C13orf42: variants seen among roughly 807,000 people sequenced by gnomAD.
The protein encoded by C13orf42 is uncharacterized protein C13orf42.
At chr13:51,084,415 A>G (rs1953099959) in intron 3 of C13orf42, 90 bp from the exon 4 acceptor site, 1 of 397,302 alleles carries the variant, frequency 2.5e-6, no homozygotes, top group Non-Finnish European at 4.4e-6. Flanking sequence ...ATTCTCATGG[A>G]GACCCTCAGA....
At chr13:51,153,460 G>C (rs1953797026) in intron 1 of C13orf42, among the ~76,000 whole-genome samples, 1 of 151,514 alleles carries the variant, frequency 6.6e-6, no homozygotes, top group South Asian at 2.1e-4. Flanking sequence ...GAGAGAGAGA[G>C]ACAGAGATAG....
At chr13:51,134,097 T>G (rs1593546729) in intron 1 of C13orf42, among the ~76,000 whole-genome samples, 1 of 152,188 alleles carries the variant, frequency 6.6e-6, no homozygotes, top group African/African-American at 2.4e-5. Context: ...TTATGGTTTC[T>G]TTGCAGAATT....
chr13:51,167,975 G>A (rs1953914880), intron 1 of C13orf42, among the ~76,000 whole-genome samples: 1 of 152,202 alleles, frequency 6.6e-6, no homozygotes, highest in African/African-American at 2.4e-5. Flanking sequence ...CTCTCAGTGT[G>A]TATGTCCGGC....
upstream of C13orf42, among the ~76,000 whole-genome samples, chr13:51,112,094 G>A (rs1769791416): frequency 6.6e-6 from 1 of 152,216 alleles, no homozygotes; most frequent in African/African-American, 2.4e-5. Flanking sequence ...GAGGGCTGTA[G>A]GAATCTATTA....
chr13:51,161,980 T>G (rs1953868380), intron 1 of C13orf42: 1 of 447,378 alleles, frequency 2.2e-6, no homozygotes, highest in Non-Finnish European at 4.4e-6. Context: ...CCACTTGGCC[T>G]TTATAGATCT....
At chr13:51,156,102 C>A (rs531352855) in intron 1 of C13orf42, among the ~76,000 whole-genome samples, 3 of 152,182 alleles carry the variant, frequency 2.0e-5, no homozygotes, top group African/African-American at 7.2e-5. Flanking sequence ...TGACCCCACC[C>A]CCGGCCTGTA....
At chr13:51,118,957 G>T (rs769929826) in intron 1 of C13orf42, among the ~76,000 whole-genome samples, 1 of 151,738 alleles carries the variant, frequency 6.6e-6, no homozygotes. Flanking sequence ...GGTGTATGGT[G>T]TGCCCAGGCA....
At chr13:51,131,443 C>A (rs918447792) in intron 1 of C13orf42, among the ~76,000 whole-genome samples, 7 of 152,200 alleles carry the variant, frequency 4.6e-5, no homozygotes, top group South Asian at 2.1e-4. Context: ...TCTACACAGT[C>A]CCTGTACAGG....
At chr13:51,143,699 C>G (rs1286422739) in intron 1 of C13orf42, among the ~76,000 whole-genome samples, 2 of 152,044 alleles carry the variant, frequency 1.3e-5, no homozygotes, top group East Asian at 3.8e-4. Context: ...TGTTTTAAAC[C>G]TTTTATATTT....
chr13:51,124,214 G>T (rs1468687404), intron 1 of C13orf42, among the ~76,000 whole-genome samples: 2 of 152,092 alleles, frequency 1.3e-5, no homozygotes, highest in Non-Finnish European at 2.9e-5. Flanking sequence ...TCATCCCCGG[G>T]CCAACCAATC....
upstream of C13orf42, among the ~76,000 whole-genome samples, chr13:51,115,948 T>C (rs1953486728): frequency 6.6e-6 from 1 of 152,158 alleles, no homozygotes; most frequent in Non-Finnish European, 1.5e-5. Context: ...GAAGCACAGT[T>C]CCCTGGGGAA....
intron 1 of C13orf42, among the ~76,000 whole-genome samples, chr13:51,166,105 T>G (rs1331536315): frequency 6.6e-6 from 1 of 152,190 alleles, no homozygotes. Context: ...TTACATAACA[T>G]CAGTTATCCA....
intron 1 of C13orf42, among the ~76,000 whole-genome samples, chr13:51,146,857 T>C (rs1433010875): frequency 2.0e-5 from 3 of 152,184 alleles, no homozygotes; most frequent in Non-Finnish European, 2.9e-5. Flanking sequence ...TGAGACTTAT[T>C]TTCCTTTCAC....
chr13:51,163,571 C>A (rs538236614), intron 1 of C13orf42, among the ~76,000 whole-genome samples: 13 of 152,262 alleles, frequency 8.5e-5, no homozygotes, highest in Admixed American at 3.3e-4. Context: ...TAGCAAACTC[C>A]ACCTACCAAC....
At chr13:51,119,992 G>A (rs1446631917) in intron 1 of C13orf42, among the ~76,000 whole-genome samples, 1 of 150,940 alleles carries the variant, frequency 6.6e-6, no homozygotes, top group Non-Finnish European at 1.5e-5. Context: ...AAAAAAAAAA[G>A]AAAGCATCCC....
At chr13:51,139,283 C>A (rs577158036) in intron 1 of C13orf42, among the ~76,000 whole-genome samples, 1 of 152,158 alleles carries the variant, frequency 6.6e-6, no homozygotes. Context: ...CCACTGTACT[C>A]CAGCCTGGGC....
At chr13:51,124,404 C>T (rs545302436) in intron 1 of C13orf42, among the ~76,000 whole-genome samples, 12 of 152,258 alleles carry the variant, frequency 7.9e-5, no homozygotes, top group East Asian at 1.9e-4. Context: ...GTCTAGGCTG[C>T]GGACAAGGTG....
At position 51,152,724 on chromosome 13, in the gene C13orf42, A is replaced by C. The variant is rs113590070; in HGVS notation, n.136+19529T>G. Among the ~76,000 whole-genome samples the C allele has an allele frequency of 3.6e-3, 543 of 152,284 alleles. 3 individuals carry two copies. The highest frequency in any genetic ancestry group is 0.012 in the African/African-American group (519 of 41,562). ...ATTTACTCTAACAGCTAAATCTTCA[A>C]ATCACTGAGCCTCAATTTACTTCTA... On this transcript the variant is annotated intron_variant and non_coding_transcript_variant, in intron 1 of 4. Transcript: ENST00000433280.
chr13:51,094,813 T>A (rs189581294), intron 1 of C13orf42, among the ~76,000 whole-genome samples: 1 of 152,212 alleles, frequency 6.6e-6, no homozygotes, highest in African/African-American at 2.4e-5. Flanking sequence ...ACTTTTAATA[T>A]GGTTTGGCTG....
Sources: gnomAD v4.1 joint callset for allele counts (sites outside exome capture counted in the v4.1 genomes callset) on GRCh38, gnomAD v4.1.1 for gene constraint, MANE v1.5 for transcripts, NCBI Gene and HGNC (gene_info 2026-07-23, HGNC 2026-07-21) for gene names.